CDKAL1: variants seen among roughly 807,000 people sequenced by gnomAD.
CDKAL1 encodes the protein CDKAL1 threonylcarbamoyladenosine tRNA methylthiotransferase, also known as threonylcarbamoyladenosine tRNA methylthiotransferase.
CDKAL1 carries 32 observed loss-of-function variants against 68.2 expected under a neutral mutation model. That is an observed-to-expected ratio of 0.47 (90% CI 0.35 to 0.63). The LOEUF (loss-of-function observed/expected upper bound fraction) is 0.63. CDKAL1 is among the 30% of genes least tolerant of loss of function. CDKAL1 has a pLI of 0.00. For synonymous variants in CDKAL1, 234 were observed against 244.3 expected (o/e 0.96, Z 0.39); for missense variants, 606 against 696.7 (o/e 0.87, Z 1.47).
chr6:20,961,745 C>T (rs1159875739), intron 10 of CDKAL1, among the ~76,000 whole-genome samples: 1 of 130,560 alleles, frequency 7.7e-6, no homozygotes, highest in African/African-American at 2.9e-5. Context: ...CCAGCCTGGG[C>T]AAAAGAGCAA....
chr6:20,991,626 G>A lies in CDKAL1; in HGVS notation c.910-8601G>A, dbSNP rs370626024. On this transcript the variant is annotated intron_variant, in intron 10 of 15. Coordinates refer to ENST00000274695, the MANE Select transcript of CDKAL1 (RefSeq NM_017774.3). Reference sequence around the variant, plus strand: ...AGAGGCTGAGGCAGGAGAATTGCTTGAACCCAGGAGGCAGAGGTTGCAGCG... The same window carrying A: ...AGAGGCTGAGGCAGGAGAATTGCTTAAACCCAGGAGGCAGAGGTTGCAGCG... Among the ~76,000 whole-genome samples, 326 of 145,348 alleles carry A rather than the reference G, an allele frequency of 2.2e-3. 1 individual carries two copies. Among genetic ancestry groups the A allele is most frequent in the African/African-American group, 7.4e-3 (289 of 39,112 alleles).
chr6:20,643,179 A>G (rs112782416), intron 4 of CDKAL1, among the ~76,000 whole-genome samples: 98 of 152,108 alleles, frequency 6.4e-4, no homozygotes, highest in Non-Finnish European at 1.1e-3. Flanking sequence ...CCTTCTTCCT[A>G]CCTTTCCCTT....
intron 8 of CDKAL1, among the ~76,000 whole-genome samples, chr6:20,791,144 C>G (rs1400230157): frequency 1.3e-5 from 2 of 152,214 alleles, no homozygotes; most frequent in East Asian, 3.8e-4. Context: ...TTGTCTGCCT[C>G]CTGCTGCTAT....
intron 8 of CDKAL1, among the ~76,000 whole-genome samples, chr6:20,835,784 A>G (rs1376285579): frequency 2.6e-5 from 4 of 152,052 alleles, no homozygotes; most frequent in African/African-American, 9.7e-5. Context: ...TGCTGACCTC[A>G]AGTGATCCAC....
intron 5 of CDKAL1, among the ~76,000 whole-genome samples, chr6:20,651,094 G>A (rs1199970121): frequency 6.6e-6 from 1 of 152,030 alleles, no homozygotes; most frequent in African/African-American, 2.4e-5. Flanking sequence ...TATGAAGAAT[G>A]TCAATGGTAG....
chr6:21,054,110 C>T (rs1414999043), intron 11 of CDKAL1, among the ~76,000 whole-genome samples: 4 of 152,218 alleles, frequency 2.6e-5, no homozygotes, highest in East Asian at 3.9e-4. Context: ...CTGTGATGCA[C>T]ATTGAAATAT....
At chr6:20,542,906 G>A (rs1457597296) in intron 2 of CDKAL1, among the ~76,000 whole-genome samples, 2 of 152,134 alleles carry the variant, frequency 1.3e-5, no homozygotes, top group Admixed American at 1.3e-4. Flanking sequence ...TTATATAAAA[G>A]TGATCATACA....
chr6:20,604,303 A>G (rs1424988631), intron 4 of CDKAL1, among the ~76,000 whole-genome samples: 1 of 152,102 alleles, frequency 6.6e-6, no homozygotes, highest in Non-Finnish European at 1.5e-5. Context: ...GGCTACTGTT[A>G]TTGCTGAGTG....
At chr6:21,003,142 TC>T (rs1442842987) in intron 11 of CDKAL1, among the ~76,000 whole-genome samples, 1 of 151,494 alleles carries the variant, frequency 6.6e-6, no homozygotes, top group Non-Finnish European at 1.5e-5. Context: ...AAAAGAGTTT[TC>T]CTGTCCTCTT....
intron 4 of CDKAL1, chr6:20,559,165 G>C (rs1345029978): frequency 6.6e-6 from 1 of 151,884 alleles, no homozygotes; most frequent in Non-Finnish European, 1.5e-5. Context: ...TATTAATTTT[G>C]ATTTTGTACT....
intron 2 of CDKAL1, among the ~76,000 whole-genome samples, chr6:20,545,188 T>A (rs113589204): frequency 2.0e-5 from 3 of 151,952 alleles, no homozygotes; most frequent in African/African-American, 7.2e-5. Flanking sequence ...ACTCATCATA[T>A]TCCTTGGGTC....
intron 13 of CDKAL1, among the ~76,000 whole-genome samples, chr6:21,188,162 C>A (rs1238893319): frequency 6.6e-6 from 1 of 152,038 alleles, no homozygotes; most frequent in Admixed American, 6.5e-5. Flanking sequence ...ATATGTCATA[C>A]TTGCAATTTT....
At chr6:21,144,028 GT>G (rs879836601) in intron 13 of CDKAL1, among the ~76,000 whole-genome samples, 1 of 152,042 alleles carries the variant, frequency 6.6e-6, no homozygotes, top group African/African-American at 2.4e-5. Flanking sequence ...TAGTAGGTAT[GT>G]TATATTCAGA....
At chr6:20,846,595 G>A (rs946174380) in intron 9 of CDKAL1, among the ~76,000 whole-genome samples, 3 of 152,114 alleles carry the variant, frequency 2.0e-5, no homozygotes, top group African/African-American at 4.8e-5. Context: ...GTTTGTAGAC[G>A]TCTTTGAAGA....
chr6:20,994,797 T>C (rs1441715288), intron 10 of CDKAL1, among the ~76,000 whole-genome samples: 4 of 152,222 alleles, frequency 2.6e-5, no homozygotes, highest in African/African-American at 4.8e-5. Context: ...TGCTAAAAAA[T>C]GAGCCTTCAG....
intron 5 of CDKAL1, among the ~76,000 whole-genome samples, chr6:20,706,387 G>A (rs2127824168): frequency 6.6e-6 from 1 of 152,270 alleles, no homozygotes; most frequent in East Asian, 1.9e-4. Context: ...ACCCTTTGGT[G>A]AATTTGAAAG....
At chr6:21,090,247 A>G (rs952891095) in intron 12 of CDKAL1, among the ~76,000 whole-genome samples, 1 of 152,228 alleles carries the variant, frequency 6.6e-6, no homozygotes, top group Non-Finnish European at 1.5e-5. Flanking sequence ...AGTGATTACT[A>G]TATGCAGACA....
chr6:21,132,084 A>G (rs1775352222), intron 13 of CDKAL1, among the ~76,000 whole-genome samples: 1 of 152,178 alleles, frequency 6.6e-6, no homozygotes, highest in South Asian at 2.1e-4. Flanking sequence ...GGATAAGCAT[A>G]TAAATTTTAG....
In CDKAL1 at chr6:21,065,052, C is replaced by T; in HGVS notation, c.1060C>T (p.Pro354Ser). 3.9e-6 allele frequency: 6 copies of T among 1,535,214 alleles called. No homozygotes were observed. Among genetic ancestry groups the T allele is most frequent in the Non-Finnish European group, 5.3e-6 (6 of 1,141,086 alleles). The change falls in exon 12 of 16, where the codon CCT (proline) becomes TCT (serine). Residue 354 changes from proline to serine, a missense_variant. Physicochemically the swap from Pro to Ser is moderately conservative, Grantham distance 74. Transcript: ENST00000274695. ...TTTTGTCTTGTTATTTTCTAGAGTT[C>T]CTGGAATAACTATTGCTACAGATAT... is the stretch of plus-strand genomic sequence containing the variant. ...RVVDFLKEKV[P>S]GITIATDIIC...
Sources: gnomAD v4.1 joint callset for allele counts (sites outside exome capture counted in the v4.1 genomes callset) on GRCh38, gnomAD v4.1.1 for gene constraint, MANE v1.5 for transcripts, NCBI Gene and HGNC (gene_info 2026-07-23, HGNC 2026-07-21) for gene names.